RYR2: variants seen among roughly 807,000 people sequenced by gnomAD.
RYR2 encodes the protein cardiac muscle ryanodine receptor-calcium release channel.
Under a neutral mutation model 601.1 loss-of-function variants are expected in RYR2, and 227 were observed. The ratio of observed to expected loss-of-function variants is 0.38; its 90% CI spans 0.34 to 0.42. RYR2 has a LOEUF of 0.42. RYR2 is among the 10% of genes least tolerant of loss of function. The pLI is 1.00. For missense variants in RYR2, 4,646 were observed against 6,156.5 expected, an observed-to-expected ratio of 0.75 and a Z score of 8.21; for synonymous variants, 2,223 against 2,175.1, an observed-to-expected ratio of 1.02 and a Z score of -0.61.
chr1:237,439,498 G>T (rs1032254505), intron 12 of RYR2, among the ~76,000 whole-genome samples: 7 of 151,994 alleles, frequency 4.6e-5, no homozygotes, highest in African/African-American at 1.7e-4. Flanking sequence ...ACAAAAATTA[G>T]CAGGGTGTGG....
intron 2 of RYR2, among the ~76,000 whole-genome samples, chr1:237,308,603 A>G (rs12749298): frequency 0.34 from 51,332 of 151,920 alleles, 8,897 homozygotes; most frequent in South Asian, 0.51. Context: ...TCTGATGCTC[A>G]GATGTGTTCG....
chr1:237,371,335 T>C (rs1700626008), intron 6 of RYR2, among the ~76,000 whole-genome samples: 1 of 152,098 alleles, frequency 6.6e-6, no homozygotes, highest in South Asian at 2.1e-4. Context: ...TTTAAATTTA[T>C]TGTAGAGATG....
At chr1:237,130,816 A>G (rs1028893608) in intron 1 of RYR2, among the ~76,000 whole-genome samples, 3 of 152,208 alleles carry the variant, frequency 2.0e-5, no homozygotes, top group African/African-American at 4.8e-5. Context: ...ACATCGCCAT[A>G]TGCCTCAAAT....
intron 40 of RYR2, among the ~76,000 whole-genome samples, chr1:237,626,923 T>C (rs998734018): frequency 1.3e-5 from 2 of 152,082 alleles, no homozygotes; most frequent in Non-Finnish European, 1.5e-5. Flanking sequence ...AAGTTTATGA[T>C]CTTGAGTGGT....
At chr1:237,494,768 G>T (rs1172353499) in intron 19 of RYR2, among the ~76,000 whole-genome samples, 1 of 152,146 alleles carries the variant, frequency 6.6e-6, no homozygotes, top group African/African-American at 2.4e-5. Context: ...AAACAGAAAT[G>T]TGGGGTTTGT....
intron 1 of RYR2, among the ~76,000 whole-genome samples, chr1:237,139,898 G>A (rs762988830): frequency 3.9e-5 from 6 of 152,228 alleles, no homozygotes; most frequent in Non-Finnish European, 7.3e-5. Context: ...GCTGTGTGAC[G>A]TGCTAGCTCA....
intron 6 of RYR2, among the ~76,000 whole-genome samples, chr1:237,374,218 T>TAATA (rs1479318590): frequency 5.0e-4 from 76 of 152,256 alleles, no homozygotes; most frequent in African/African-American, 1.8e-3. Flanking sequence ...ACTCTGCTGG[T>TAATA]ACAACTATAA....
intron 80 of RYR2, among the ~76,000 whole-genome samples, chr1:237,744,727 A>AG (rs1363375928): frequency 6.6e-6 from 1 of 151,774 alleles, no homozygotes; most frequent in Non-Finnish European, 1.5e-5. Context: ...TTTAAAAAAA[A>AG]AAAAAGTGAA....
Position 237,142,343 on chromosome 1 carries a change from A to G in RYR2, c.48+99774A>G, listed in dbSNP as rs542937065. ...AAAAGGGGAATGCTGTATTTTTGGT[A>G]ATATCCCAATGCCCTATCTAAAGGA... On this transcript the variant is annotated intron_variant, in intron 1 of 104. Coordinates refer to ENST00000366574, the MANE Select transcript of RYR2 (RefSeq NM_001035.3). Among the ~76,000 whole-genome samples the G allele has an allele frequency of 1.2e-4, 19 of 152,350 alleles. No homozygotes were observed. The South Asian group carries it at 3.7e-3, about 30-fold the overall frequency.
At chr1:237,229,521 G>C (rs1684743048) in intron 1 of RYR2, among the ~76,000 whole-genome samples, 1 of 152,026 alleles carries the variant, frequency 6.6e-6, no homozygotes, top group African/African-American at 2.4e-5. Context: ...AGTTCCTGTT[G>C]GTACATTGAA....
intron 79 of RYR2, among the ~76,000 whole-genome samples, chr1:237,735,800 ACT>A (rs920939403): frequency 4.6e-5 from 7 of 152,086 alleles, no homozygotes; most frequent in African/African-American, 1.7e-4. Flanking sequence ...TAGTTGTTCA[ACT>A]CTATCATATT....
intron 10 of RYR2, among the ~76,000 whole-genome samples, chr1:237,403,189 T>C (rs1703543959): frequency 6.6e-6 from 1 of 152,114 alleles, no homozygotes; most frequent in African/African-American, 2.4e-5. Flanking sequence ...CAAGAAAAAC[T>C]ATGACCCCTA....
intron 65 of RYR2, among the ~76,000 whole-genome samples, chr1:237,701,221 T>C (rs1184523364): frequency 2.0e-5 from 3 of 152,216 alleles, no homozygotes; most frequent in Admixed American, 2.0e-4. Context: ...ACGTTTATTT[T>C]AAATTTTGTT....
intron 3 of RYR2, among the ~76,000 whole-genome samples, chr1:237,335,914 G>A (rs1364145600): frequency 6.6e-6 from 1 of 152,098 alleles, no homozygotes; most frequent in Non-Finnish European, 1.5e-5. Flanking sequence ...TATAAATATT[G>A]TGATGAGCAA....
intron 12 of RYR2, among the ~76,000 whole-genome samples, chr1:237,423,450 T>C (rs1259149062): frequency 1.3e-5 from 2 of 152,132 alleles, no homozygotes; most frequent in Admixed American, 1.3e-4. Flanking sequence ...ATAGAAACAA[T>C]CTAAATGTAC....
At chr1:237,495,314 C>T (rs563655202) in intron 19 of RYR2, among the ~76,000 whole-genome samples, 4 of 152,198 alleles carry the variant, frequency 2.6e-5, no homozygotes, top group African/African-American at 4.8e-5. Flanking sequence ...TCTCTTGACT[C>T]GGAAACCCAT....
chr1:237,242,882 C>T (rs977285391), intron 1 of RYR2, among the ~76,000 whole-genome samples: 5 of 152,054 alleles, frequency 3.3e-5, no homozygotes, highest in African/African-American at 7.2e-5. Flanking sequence ...CTGAAACTGA[C>T]GTAAGCCAAA....
intron 17 of RYR2, among the ~76,000 whole-genome samples, chr1:237,485,000 C>A (rs1328217025): frequency 1.3e-5 from 2 of 152,182 alleles, no homozygotes; most frequent in Non-Finnish European, 2.9e-5. Context: ...ATTAAACATG[C>A]AGTGCCTGCA....
At chr1:237,746,086 G>T (rs1381662198) in intron 80 of RYR2, among the ~76,000 whole-genome samples, 1 of 152,050 alleles carries the variant, frequency 6.6e-6, no homozygotes, top group Non-Finnish European at 1.5e-5. Context: ...CTTCTCTGAG[G>T]TTGACTATGT....
Sources: gnomAD v4.1 joint callset for allele counts (sites outside exome capture counted in the v4.1 genomes callset) on GRCh38, gnomAD v4.1.1 for gene constraint, MANE v1.5 for transcripts, NCBI Gene and HGNC (gene_info 2026-07-23, HGNC 2026-07-21) for gene names.